Variants in ARRB1 observed in about 807,000 individuals in gnomAD.
ARRB1 encodes the protein arrestin beta 1.
In ARRB1, 21 loss-of-function variants were observed where a neutral mutation model predicts 56.8. The ratio of observed to expected loss-of-function variants is 0.37; its 90% confidence interval spans 0.26 to 0.53. The LOEUF is 0.53. ARRB1 is among the 20% of genes least tolerant of loss of function. The probability of loss-of-function intolerance (pLI) is 0.88; values close to 1 mark genes in which losing one functional copy is unlikely to be tolerated. For synonymous variants in ARRB1, 210 were observed against 218.6 expected (o/e 0.96, Z 0.35); for missense variants, 424 against 553.7 (o/e 0.77, Z 2.35).
intron 1 of ARRB1, among the ~76,000 whole-genome samples, chr11:75,346,606 C>A (rs1947771217): frequency 6.6e-6 from 1 of 152,170 alleles, no homozygotes. Flanking sequence ...ACCCATGCCA[C>A]CAGCTAATGC....
intron 1 of ARRB1, among the ~76,000 whole-genome samples, chr11:75,313,676 A>G (rs2140486330): frequency 6.6e-6 from 1 of 152,056 alleles, no homozygotes; most frequent in South Asian, 2.1e-4. Flanking sequence ...TGCCGGATTA[A>G]CTGAGATGAA....
chr11:75,306,169 A>T (rs1228663771), intron 1 of ARRB1, among the ~76,000 whole-genome samples: 5 of 151,790 alleles, frequency 3.3e-5, no homozygotes, highest in Admixed American at 2.0e-4. Context: ...CTCTCAGGAG[A>T]CTCCAGAGCT....
chr11:75,307,322 AG>A (rs961613255), intron 1 of ARRB1, among the ~76,000 whole-genome samples: 1 of 152,220 alleles, frequency 6.6e-6, no homozygotes, highest in African/African-American at 2.4e-5. Context: ...TCCATCAGAC[AG>A]GGGTCCTTCC....
intron 1 of ARRB1, among the ~76,000 whole-genome samples, chr11:75,330,515 G>A (rs1196116850): frequency 6.6e-6 from 1 of 152,178 alleles, no homozygotes; most frequent in Non-Finnish European, 1.5e-5. Context: ...TGCTTTGCTT[G>A]TAATTAATTG....
intron 6 of ARRB1, chr11:75,281,660 T>C (rs937826018): frequency 5.0e-6 from 2 of 401,532 alleles, no homozygotes; most frequent in African/African-American, 4.1e-5. Flanking sequence ...TGATTCCAGG[T>C]TGCCAGGGGT....
In ARRB1 at chr11:75,337,786, C is replaced by CTT. The variant is rs71036046; in HGVS notation, c.20+13800_20+13801dup. On this transcript the variant is annotated intron_variant, in intron 1 of 15. Transcript: ENST00000420843. ...TGTTCAATGAATTTCATTGAAATGTCTTTTTTTTTTTTTTTTTTTTTTTTT... is the reference window on the plus strand; with the variant it reads ...TGTTCAATGAATTTCATTGAAATGTCTTTTTTTTTTTTTTTTTTTTTTTTTTT... 2.2e-3 allele frequency among the ~76,000 whole-genome samples: 83 copies of CTT among 38,486 alleles called. 12 individuals carry two copies. Among genetic ancestry groups the CTT allele is most frequent in the Non-Finnish European group, 2.6e-3 (61 of 23,126 alleles). 25.2% of individuals were successfully genotyped at this position (38,486 alleles called of 152,430 possible). A position where few individuals can be genotyped will look rare whatever the true frequency, so the allele number is the denominator to read the frequency against.
intron 1 of ARRB1, among the ~76,000 whole-genome samples, chr11:75,315,347 T>C (rs1413136094): frequency 2.0e-5 from 3 of 152,060 alleles, no homozygotes; most frequent in African/African-American, 7.2e-5. Context: ...CCACATGGGC[T>C]ACATGGATTT....
intron 7 of ARRB1, among the ~76,000 whole-genome samples, chr11:75,279,047 T>C (rs1946267110): frequency 6.6e-6 from 1 of 152,222 alleles, no homozygotes; most frequent in African/African-American, 2.4e-5. Flanking sequence ...ATAGGTAACA[T>C]TGTCACTTCC....
intron 1 of ARRB1, among the ~76,000 whole-genome samples, chr11:75,336,406 T>G (rs2134982794): frequency 1.3e-5 from 2 of 152,188 alleles, no homozygotes; most frequent in Middle Eastern, 6.8e-3. Context: ...TGCTAGGCCT[T>G]CCAGACCCTT....
At chr11:75,300,202 C>CAAAAAAAAAA (rs10557397) in intron 1 of ARRB1, among the ~76,000 whole-genome samples, 1 of 87,334 alleles carries the variant, frequency 1.1e-5, no homozygotes, top group African/African-American at 4.0e-5. Context: ...GACTCTGTCT[C>CAAAAAAAAAA]AAAAAAAAAA....
At chr11:75,348,789 T>C (rs1947808791) in intron 1 of ARRB1, among the ~76,000 whole-genome samples, 1 of 151,940 alleles carries the variant, frequency 6.6e-6, no homozygotes, top group Admixed American at 6.6e-5. Context: ...GTAGAGATGG[T>C]ATGTTGCCCA....
At chr11:75,307,307 G>A (rs928797360) in intron 1 of ARRB1, among the ~76,000 whole-genome samples, 1 of 152,208 alleles carries the variant, frequency 6.6e-6, no homozygotes. Flanking sequence ...AGGACAAGAT[G>A]AGCCTCCATC....
chr11:75,334,432 G>A (rs1294742666), intron 1 of ARRB1, among the ~76,000 whole-genome samples: 8 of 151,410 alleles, frequency 5.3e-5, no homozygotes, highest in African/African-American at 1.9e-4. Flanking sequence ...CCAGCAGCTT[G>A]TATCCCAGAG....
At chr11:75,326,827 CT>C (rs1287314233) in intron 1 of ARRB1, among the ~76,000 whole-genome samples, 2 of 150,500 alleles carry the variant, frequency 1.3e-5, no homozygotes, top group Non-Finnish European at 2.9e-5. Context: ...ACCTCAGCCT[CT>C]CGAGTAGCTG....
intron 1 of ARRB1, among the ~76,000 whole-genome samples, chr11:75,339,394 G>GT (rs1378803573): frequency 6.6e-6 from 1 of 152,168 alleles, no homozygotes; most frequent in Non-Finnish European, 1.5e-5. Context: ...TTTCACCCTA[G>GT]TTTTTTTGTC....
chr11:75,343,977 A>G (rs1247812429), intron 1 of ARRB1, among the ~76,000 whole-genome samples: 1 of 151,928 alleles, frequency 6.6e-6, no homozygotes, highest in East Asian at 1.9e-4. Context: ...CACCACGCCC[A>G]GCTAATTTTT....
intron 7 of ARRB1, among the ~76,000 whole-genome samples, chr11:75,279,366 G>C (rs970150786): frequency 2.0e-5 from 3 of 152,166 alleles, no homozygotes; most frequent in Non-Finnish European, 4.4e-5. Context: ...CCAGGGAGGG[G>C]AGAAGGCCCA....
rs141380706 is a variant in ARRB1, at chr11:75,326,639, C to T, written c.20+24949G>A. ...CTGCCACAGCCTCTCTCCCACACAC[C>T]GTCTCCAGCAGTCTCACCCTAACGC... On this transcript the variant is annotated intron_variant, in intron 1 of 15. Coordinates refer to ENST00000420843, the MANE Select transcript of ARRB1 (RefSeq NM_004041.5). 1.0e-3 allele frequency among the ~76,000 whole-genome samples: 154 copies of T among 152,058 alleles called. 1 individual carries two copies. The highest frequency in any genetic ancestry group is 3.4e-3 in the African/African-American group (140 of 41,482).
At chr11:75,345,769 G>A (rs1565149702) in intron 1 of ARRB1, among the ~76,000 whole-genome samples, 1 of 152,178 alleles carries the variant, frequency 6.6e-6, no homozygotes, top group East Asian at 1.9e-4. Context: ...GCCTAATGTG[G>A]GAAATATCGC....
Sources: allele counts gnomAD v4.1 joint callset (sites outside exome capture counted in the v4.1 genomes callset), GRCh38; gene constraint gnomAD v4.1.1; transcripts MANE v1.5; gene names NCBI Gene and HGNC (gene_info 2026-07-23, HGNC 2026-07-21).